Variants in RAPGEF5 observed in about 807,000 individuals in gnomAD.
The protein encoded by RAPGEF5 is Rap guanine nucleotide exchange factor 5.
RAPGEF5 carries 65 observed loss-of-function variants against 125.2 expected under a neutral mutation model. That is an observed-to-expected ratio of 0.52 (90% CI 0.43 to 0.64). The LOEUF (loss-of-function observed/expected upper bound fraction) is 0.64, where lower values mean the gene tolerates loss of function less well. Among genes scored for constraint, RAPGEF5 ranks in the 30% least tolerant of loss-of-function variants. The pLI, the probability that RAPGEF5 is intolerant of heterozygous loss-of-function variation, is 0.00. For missense variants in RAPGEF5, 958 were observed against 1,048.1 expected (o/e 0.91, Z 1.19); for synonymous variants, 391 against 385.9 (o/e 1.01, Z -0.16).
At chr7:22,269,243 G>T (rs1475177161) in intron 6 of RAPGEF5, among the ~76,000 whole-genome samples, 7 of 151,780 alleles carry the variant, frequency 4.6e-5, no homozygotes, top group Non-Finnish European at 8.8e-5. Context: ...ACGCAAAGGG[G>T]AAAGTGCTGA....
At chr7:22,322,047 A>T (rs1314343256) in intron 1 of RAPGEF5, among the ~76,000 whole-genome samples, 1 of 152,154 alleles carries the variant, frequency 6.6e-6, no homozygotes, top group Non-Finnish European at 1.5e-5. Flanking sequence ...TCACTCTATG[A>T]TAACATGCTG....
chr7:22,325,839 T>C (rs867239906), intron 1 of RAPGEF5, among the ~76,000 whole-genome samples: 3 of 152,340 alleles, frequency 2.0e-5, no homozygotes, highest in Middle Eastern at 3.4e-3. Context: ...ACTGGGATTA[T>C]ATGAGTCACC....
At chr7:22,246,676 A>G (rs1228099834) in intron 7 of RAPGEF5, among the ~76,000 whole-genome samples, 2 of 152,072 alleles carry the variant, frequency 1.3e-5, no homozygotes, top group Non-Finnish European at 2.9e-5. Flanking sequence ...GCAAAAAAAA[A>G]TTATTACTAG....
At chr7:22,125,302 C>T (rs375888710) in intron 25 of RAPGEF5, 1 of 293,198 alleles carries the variant, frequency 3.4e-6, no homozygotes, top group Non-Finnish European at 6.6e-6. Context: ...AAGCAAGACA[C>T]TGTGGGGACA....
At chr7:22,200,388 G>A (rs77575246) in intron 9 of RAPGEF5, among the ~76,000 whole-genome samples, 10,350 of 152,240 alleles carry the variant, frequency 0.068, 419 homozygotes, top group Middle Eastern at 0.13. Context: ...GTTAGCAGAT[G>A]TATGTCAAGG....
chr7:22,230,767 C>G, intron 8 of RAPGEF5, 79 bp downstream of exon 8: 1 of 1,294,592 alleles, frequency 7.7e-7, no homozygotes, highest in Non-Finnish European at 1.1e-6. Context: ...AAACCTATAT[C>G]ATTTTTTAAC....
intron 11 of RAPGEF5, among the ~76,000 whole-genome samples, chr7:22,174,945 A>G (rs1784459792): frequency 6.6e-6 from 1 of 152,226 alleles, no homozygotes; most frequent in African/African-American, 2.4e-5. Flanking sequence ...TGTGGGAGCC[A>G]GTACCTAAAG....
Position 22,140,489 on chromosome 7 carries a change from T to C in RAPGEF5, c.2187-374A>G, listed in dbSNP as rs138749034. Among the ~76,000 whole-genome samples, 3 of 152,298 alleles carry C rather than the reference T, an allele frequency of 2.0e-5. No homozygotes were observed. The East Asian group carries it at 5.8e-4, about 29-fold the overall frequency. On this transcript the variant is annotated intron_variant, in intron 20 of 25. Transcript: ENST00000665637. ...TAGTCCTGACTCCTTCATCAAAACA[T>C]GTTTTTTCATTTTTTGACAGACAAG... is the stretch of plus-strand genomic sequence containing the variant.
At chr7:22,144,540 T>A (rs1193525499) in intron 20 of RAPGEF5, among the ~76,000 whole-genome samples, 3 of 152,062 alleles carry the variant, frequency 2.0e-5, no homozygotes, top group Admixed American at 6.6e-5. Context: ...GGGACAGACA[T>A]TTAGAGTGGC....
chr7:22,118,439 C>T lies in RAPGEF5; in HGVS notation c.*3967G>A, dbSNP rs1249444115. 2 of 152,532 alleles carry T rather than the reference C, an allele frequency of 1.3e-5. No individual in the cohort carries two copies. The highest frequency in any genetic ancestry group is 2.9e-5 in the Non-Finnish European group (2 of 68,036). The allele number at this position is 152,532 out of a possible 1,614,324, so 9.4% of individuals were successfully genotyped here. A position where few individuals can be genotyped will look rare whatever the true frequency, so the allele number is the denominator to read the frequency against. ...ATTTTTACATATAAATTATTGCTTA[C>T]TAGCTTCGATAAATACACAGCACAG... On this transcript the variant is annotated 3_prime_UTR_variant, in exon 26 of 26. Coordinates refer to ENST00000665637, the MANE Select transcript of RAPGEF5 (RefSeq NM_012294.5).
intron 9 of RAPGEF5, among the ~76,000 whole-genome samples, chr7:22,213,178 G>A (rs1785549875): frequency 6.6e-6 from 1 of 152,194 alleles, no homozygotes; most frequent in African/African-American, 2.4e-5. Flanking sequence ...AGGACTTGCA[G>A]TGGGCTTCTT....
intron 14 of RAPGEF5, 71 bp downstream of exon 14, chr7:22,160,429 TCAACTTTTATGTATAAGG>T: frequency 7.9e-7 from 1 of 1,272,392 alleles, no homozygotes; most frequent in Admixed American, 2.7e-5. Flanking sequence ...ATGTTCAAAA[TCAACTTTTATGTATAAGG>T]CATTCCAAAT....
chr7:22,170,010 C>CAAAA (rs879869151), intron 11 of RAPGEF5, among the ~76,000 whole-genome samples: 1 of 135,570 alleles, frequency 7.4e-6, no homozygotes, highest in African/African-American at 2.7e-5. Flanking sequence ...GACTCTGTCT[C>CAAAA]AAAAAAAAAA....
rs201802452 is a variant in RAPGEF5, at chr7:22,157,870, A to G, written c.1542T>C (p.Tyr514=). 1.5e-3 allele frequency: 2,399 copies of G among 1,612,070 alleles called. 39 individuals are homozygous for G. The South Asian group carries it at 0.018, about 12-fold the overall frequency. Residue 514 remains tyrosine, a synonymous_variant, in exon 15 of 26, where the codon TAT becomes TAC. Transcript: ENST00000665637. ...GMHRRHTVDE[Y]SPQKKNKALF... ...ATCTGCTTACCTTTTTTTGTGGTGA[A>G]TATTCATCTACAGTGCTGAAAGGAA...
chr7:22,129,072 G>C (rs1228975298), intron 24 of RAPGEF5, among the ~76,000 whole-genome samples: 6 of 152,096 alleles, frequency 3.9e-5, no homozygotes, highest in African/African-American at 7.2e-5. Context: ...AGAGAGCAGG[G>C]GAGGGCCACA....
rs375279963 is a variant in RAPGEF5, at chr7:22,308,357, C to G, written c.662G>C (p.Arg221Thr). The G allele has an allele frequency of 3.0e-5, 48 of 1,588,548 alleles. No homozygotes were observed. Among genetic ancestry groups the G allele is most frequent in the Non-Finnish European group, 4.1e-5 (48 of 1,166,382 alleles). ...TACTTACAGTTCACAGATGCCACCT[C>G]TGGCAGGAATGAGAGGCACAAGTTG... is the stretch of plus-strand genomic sequence containing the variant. ...LLQLVPLIPA[R>T]GGICELSHQK... is the part of the protein sequence containing the mutation. The change falls in exon 5 of 26, where the codon AGA becomes ACA. Residue 221 changes from arginine (R) to threonine (T), a missense_variant. By Grantham distance (71) the Arg-to-Thr change is moderately conservative. Coordinates refer to ENST00000665637, the MANE Select transcript of RAPGEF5 (RefSeq NM_012294.5).
chr7:22,299,278 T>C (rs1421964640), intron 5 of RAPGEF5, among the ~76,000 whole-genome samples: 3 of 152,170 alleles, frequency 2.0e-5, no homozygotes, highest in African/African-American at 7.2e-5. Flanking sequence ...TGTTTTAATG[T>C]ACATTCTATA....
intron 19 of RAPGEF5, 92 bp from the exon 20 acceptor site, chr7:22,145,314 T>A (rs926812036): frequency 8.2e-7 from 1 of 1,214,038 alleles, no homozygotes; most frequent in Admixed American, 2.6e-5. Flanking sequence ...CTTCAGGTAG[T>A]TCCTCCCATA....
intron 7 of RAPGEF5, among the ~76,000 whole-genome samples, chr7:22,244,457 C>T (rs995759162): frequency 6.6e-6 from 1 of 151,952 alleles, no homozygotes; most frequent in Non-Finnish European, 1.5e-5. Context: ...CTCACAGAAG[C>T]GTGAACCCTA....
Sources: gnomAD v4.1 joint callset for allele counts (sites outside exome capture counted in the v4.1 genomes callset) on GRCh38, gnomAD v4.1.1 for gene constraint, MANE v1.5 for transcripts, NCBI Gene and HGNC (gene_info 2026-07-23, HGNC 2026-07-21) for gene names.